Variants in MAPRE2 observed in about 807,000 individuals in gnomAD.
MAPRE2 encodes microtubule-associated protein RP/EB family member 2.
MAPRE2 carries 13 observed loss-of-function variants against 43.2 expected under a neutral mutation model. The ratio of observed to expected loss-of-function variants is 0.30; its 90% CI spans 0.20 to 0.48. MAPRE2 has a LOEUF of 0.48. Ranked by LOEUF, MAPRE2 falls within the 20% of genes least tolerant of loss-of-function variation. The pLI, the probability that MAPRE2 is intolerant of heterozygous loss-of-function variation, is 0.99. For synonymous variants in MAPRE2, 135 were observed against 148.8 expected, an observed-to-expected ratio of 0.91 and a Z score of 0.68; for missense variants, 161 against 400.2, an observed-to-expected ratio of 0.40 and a Z score of 5.10.
Position 35,140,416 on chromosome 18 carries a change from C to A in MAPRE2, c.*47C>A, listed in dbSNP as rs541794276. 9.1e-6 allele frequency: 14 copies of A among 1,536,204 alleles called. No homozygotes were observed. In the South Asian group the frequency reaches 1.2e-4, roughly 13 times the overall value. On this transcript the variant is annotated 3_prime_UTR_variant, in exon 7 of 7. Transcript: ENST00000300249. Reference sequence around the variant, plus strand: ...ACTTCCATTGTGTGTGGGAACGTTTCTTCTGGAGAATTGGAACATGTGTGG... The same window carrying A: ...ACTTCCATTGTGTGTGGGAACGTTTATTCTGGAGAATTGGAACATGTGTGG...
At chr18:35,057,215 A>G (rs1052162876) in intron 1 of MAPRE2, among the ~76,000 whole-genome samples, 4 of 152,028 alleles carry the variant, frequency 2.6e-5, no homozygotes, top group African/African-American at 9.7e-5. Context: ...GGGTTTCTCC[A>G]CGTTGGCCAG....
At chr18:34,996,244 G>A (rs2097026454) in intron 1 of MAPRE2, among the ~76,000 whole-genome samples, 1 of 152,092 alleles carries the variant, frequency 6.6e-6, no homozygotes, top group Non-Finnish European at 1.5e-5. Context: ...GACCAGTTTT[G>A]TGGAAGACAA....
At chr18:34,999,351 A>T (rs2097028192) in intron 1 of MAPRE2, among the ~76,000 whole-genome samples, 1 of 152,186 alleles carries the variant, frequency 6.6e-6, no homozygotes, top group African/African-American at 2.4e-5. Flanking sequence ...TTTTTGAAAG[A>T]ATTTTACTTT....
chr18:35,002,006 A>G (rs1272795123), intron 1 of MAPRE2, among the ~76,000 whole-genome samples: 1 of 152,176 alleles, frequency 6.6e-6, no homozygotes, highest in Non-Finnish European at 1.5e-5. Context: ...CAGGATATTG[A>G]TGTCAACACA....
chr18:35,050,694 A>G (rs774290176), intron 1 of MAPRE2, among the ~76,000 whole-genome samples: 5 of 152,092 alleles, frequency 3.3e-5, no homozygotes, highest in Non-Finnish European at 5.9e-5. Context: ...GTAATTGCCA[A>G]TTTTTTGGCC....
At chr18:34,985,573 T>C (rs1216351221) in intron 1 of MAPRE2, among the ~76,000 whole-genome samples, 1 of 83,376 alleles carries the variant, frequency 1.2e-5, no homozygotes. Context: ...AAATATAATA[T>C]ATAAACTATA....
intron 2 of MAPRE2, among the ~76,000 whole-genome samples, chr18:35,079,807 T>C (rs1336119178): frequency 6.6e-6 from 1 of 152,242 alleles, no homozygotes; most frequent in African/African-American, 2.4e-5. Flanking sequence ...ATGTTTTGAC[T>C]AAGCTTTTAA....
intron 2 of MAPRE2, among the ~76,000 whole-genome samples, chr18:35,013,307 G>A (rs946592333): frequency 1.3e-5 from 2 of 152,174 alleles, no homozygotes; most frequent in African/African-American, 4.8e-5. Context: ...AGACCTGAGT[G>A]ATTTAAACAC....
At chr18:35,072,252 A>G (rs1199035777) in intron 2 of MAPRE2, among the ~76,000 whole-genome samples, 1 of 152,234 alleles carries the variant, frequency 6.6e-6, no homozygotes, top group Non-Finnish European at 1.5e-5. Context: ...TGTAATTGTG[A>G]AATTGTCTAT....
chr18:35,059,952 G>GT (rs1373746734), intron 1 of MAPRE2, among the ~76,000 whole-genome samples: 2 of 152,168 alleles, frequency 1.3e-5, no homozygotes, highest in Admixed American at 6.5e-5. Context: ...GAACCAGGAG[G>GT]TGGGGACCAC....
At chr18:35,030,028 G>A (rs966214439) in intron 2 of MAPRE2, among the ~76,000 whole-genome samples, 3 of 152,226 alleles carry the variant, frequency 2.0e-5, no homozygotes, top group African/African-American at 7.2e-5. Flanking sequence ...CGCTTACTGA[G>A]AAATAAAATA....
intron 3 of MAPRE2, among the ~76,000 whole-genome samples, chr18:35,101,380 C>T (rs765954535): frequency 6.3e-4 from 96 of 152,166 alleles, no homozygotes; most frequent in Admixed American, 5.2e-4. Flanking sequence ...TTCCCTCAAG[C>T]ATTTACCCTT....
At chr18:35,108,481 A>G (rs1909015437) in intron 4 of MAPRE2, among the ~76,000 whole-genome samples, 1 of 152,186 alleles carries the variant, frequency 6.6e-6, no homozygotes, top group African/African-American at 2.4e-5. Flanking sequence ...CTTTGGGTAT[A>G]TACTCAGTAA....
intron 2 of MAPRE2, among the ~76,000 whole-genome samples, chr18:35,087,066 A>C (rs1298831772): frequency 6.6e-6 from 1 of 152,116 alleles, no homozygotes; most frequent in Non-Finnish European, 1.5e-5. Flanking sequence ...TATAGACTTA[A>C]ATCATACACT....
At chr18:35,130,159 G>T (rs1277284639) in intron 5 of MAPRE2, among the ~76,000 whole-genome samples, 3 of 151,904 alleles carry the variant, frequency 2.0e-5, no homozygotes, top group African/African-American at 4.8e-5. Flanking sequence ...CTGGGGGGGG[G>T]TGGCACATCT....
At chr18:35,003,841 G>A (rs1170893411) in intron 1 of MAPRE2, among the ~76,000 whole-genome samples, 1 of 152,134 alleles carries the variant, frequency 6.6e-6, no homozygotes, top group Non-Finnish European at 1.5e-5. Context: ...CTGAATTTAG[G>A]TTTATCAACT....
At chr18:35,063,126 T>TG (rs1906619116) in intron 1 of MAPRE2, among the ~76,000 whole-genome samples, 1 of 151,928 alleles carries the variant, frequency 6.6e-6, no homozygotes, top group Non-Finnish European at 1.5e-5. Context: ...TTTTTTGAGA[T>TG]GGAGTCTCAC....
chr18:35,128,367 G>A (rs939320594), intron 5 of MAPRE2, among the ~76,000 whole-genome samples: 1 of 152,188 alleles, frequency 6.6e-6, no homozygotes, highest in South Asian at 2.1e-4. Context: ...AATCAGAGTA[G>A]ACCTAAAGGC....
chr18:34,978,094 G>A (rs1476186865), intron 1 of MAPRE2: 1 of 250,166 alleles, frequency 4.0e-6, no homozygotes, highest in Non-Finnish European at 7.8e-6. Context: ...TCCTCGCTGG[G>A]TCAGTAGCGC....
Sources: allele counts gnomAD v4.1 joint callset (sites outside exome capture counted in the v4.1 genomes callset), GRCh38; gene constraint gnomAD v4.1.1; transcripts MANE v1.5; gene names NCBI Gene and HGNC (gene_info 2026-07-23, HGNC 2026-07-21).